Variants in DGCR2 observed in about 807,000 individuals in gnomAD.
The protein encoded by DGCR2 is integral membrane protein DGCR2/IDD.
A neutral mutation model predicts 51.6 loss-of-function variants in DGCR2; 24 were observed. The observed-to-expected ratio is 0.47, with a 90% CI of 0.34 to 0.65. The LOEUF is 0.65. Ranked by LOEUF, DGCR2 falls within the 30% of genes least tolerant of loss-of-function variation. DGCR2 has a pLI of 0.01. For synonymous variants in DGCR2, 340 were observed against 315.4 expected, an observed-to-expected ratio of 1.08 and a Z score of -0.82; for missense variants, 765 against 772.1, an observed-to-expected ratio of 0.99 and a Z score of 0.11.
intron 7 of DGCR2, chr22:19,046,745 C>T (rs933282004): frequency 2.2e-6 from 1 of 445,504 alleles, no homozygotes; most frequent in Non-Finnish European, 4.6e-6. Context: ...CAGGGCCCAG[C>T]TAAGTCGCTC....
intron 4 of DGCR2, 68 bp from the exon 5 acceptor site, chr22:19,063,346 G>C: frequency 1.4e-6 from 2 of 1,463,026 alleles, no homozygotes. Flanking sequence ...ATGACTGTGT[G>C]TTTTTTGTTT....
At chr22:19,104,631 G>A (rs182087286) in intron 1 of DGCR2, among the ~76,000 whole-genome samples, 21 of 152,190 alleles carry the variant, frequency 1.4e-4, no homozygotes, top group Non-Finnish European at 2.5e-4. Context: ...GTCTCCACCA[G>A]AGCAGTCTGA....
chr22:19,122,095 C>T (rs1250010310), intron 1 of DGCR2, 33 bp downstream of exon 1: 4 of 1,445,548 alleles, frequency 2.8e-6, no homozygotes, highest in Non-Finnish European at 3.7e-6. Context: ...GCTCGCCGCC[C>T]AGCCCCCACA....
Position 19,122,392 on chromosome 22 carries a change from G to A in DGCR2, c.-186C>T, listed in dbSNP as rs550575105. 13 of 436,510 alleles carry A rather than the reference G, an allele frequency of 3.0e-5. No homozygotes were observed. Among genetic ancestry groups the A allele is most frequent in the African/African-American group, 1.3e-4 (6 of 47,986 alleles). The allele number at this position is 436,510 out of a possible 1,614,324, so 27.0% of individuals were successfully genotyped here. A position where few individuals can be genotyped will look rare whatever the true frequency, so the allele number is the denominator to read the frequency against. On this transcript the variant is annotated 5_prime_UTR_variant, in exon 1 of 10. Coordinates refer to ENST00000263196, the MANE Select transcript of DGCR2 (RefSeq NM_005137.3). Reference sequence around the variant, plus strand: ...ACTCTCGGCTGCAACCTCAGGCACCGACTCCAGCTGCGCGCAAGATGGCGG... The same window carrying A: ...ACTCTCGGCTGCAACCTCAGGCACCAACTCCAGCTGCGCGCAAGATGGCGG...
intron 5 of DGCR2, chr22:19,061,022 C>T (rs1356581719): frequency 4.1e-6 from 1 of 245,080 alleles, no homozygotes; most frequent in African/African-American, 2.3e-5. Context: ...TTTTCAACAT[C>T]TTAATGTGAG....
At chr22:19,046,778 G>T in intron 7 of DGCR2, 1 of 444,248 alleles carries the variant, frequency 2.3e-6, no homozygotes, top group Non-Finnish European at 4.6e-6. Context: ...AGAGAGGGCT[G>T]CAGCTGCTCT....
intron 1 of DGCR2, among the ~76,000 whole-genome samples, chr22:19,113,893 T>C (rs1460579480): frequency 6.6e-6 from 1 of 151,920 alleles, no homozygotes; most frequent in Non-Finnish European, 1.5e-5. Flanking sequence ...ATCCCATCTC[T>C]ACTAAAAATA....
At chr22:19,044,914 G>T (rs1298381149) in intron 7 of DGCR2, among the ~76,000 whole-genome samples, 1 of 152,124 alleles carries the variant, frequency 6.6e-6, no homozygotes, top group Non-Finnish European at 1.5e-5. Flanking sequence ...TTTTGATTCA[G>T]TCAGGGGCTT....
intron 2 of DGCR2, among the ~76,000 whole-genome samples, chr22:19,083,686 C>T (rs571826092): frequency 0.012 from 1,159 of 97,842 alleles, 11 homozygotes; most frequent in Non-Finnish European, 0.017. Flanking sequence ...CTCTCCCTCT[C>T]CCTCTCCCCC....
At chr22:19,076,192 G>A (rs998286985) in intron 2 of DGCR2, among the ~76,000 whole-genome samples, 3 of 151,842 alleles carry the variant, frequency 2.0e-5, no homozygotes, top group Admixed American at 6.6e-5. Context: ...AAGGAGTCTT[G>A]TCCTGTCACC....
chr22:19,099,697 G>A (rs147150592), intron 1 of DGCR2, among the ~76,000 whole-genome samples: 21,560 of 152,014 alleles, frequency 0.14, 1,971 homozygotes, highest in South Asian at 0.28. Context: ...TTGGCCAGGC[G>A]TGGTGGCTCA....
chr22:19,101,651 G>GA (rs1295093342), intron 1 of DGCR2, among the ~76,000 whole-genome samples: 2 of 149,238 alleles, frequency 1.3e-5, no homozygotes, highest in Non-Finnish European at 3.0e-5. Context: ...TGAGGCACAA[G>GA]AATCACTTGA....
intron 2 of DGCR2, among the ~76,000 whole-genome samples, chr22:19,076,872 G>T (rs1192014661): frequency 3.3e-5 from 5 of 151,500 alleles, no homozygotes; most frequent in Admixed American, 1.3e-4. Context: ...CTGGAACTAA[G>T]GCGCCCGCCA....
chr22:19,100,527 G>A (rs145248676), intron 1 of DGCR2, among the ~76,000 whole-genome samples: 10 of 152,048 alleles, frequency 6.6e-5, no homozygotes, highest in Non-Finnish European at 1.5e-4. Context: ...TTAGCCGGAC[G>A]TGGTGGTGGG....
chr22:19,050,427 G>C (rs2082537002), intron 6 of DGCR2, among the ~76,000 whole-genome samples: 1 of 152,180 alleles, frequency 6.6e-6, no homozygotes, highest in African/African-American at 2.4e-5. Flanking sequence ...AGTGAGAGAA[G>C]TTGTTTGCAG....
At chr22:19,098,063 T>A (rs1413014019) in intron 1 of DGCR2, among the ~76,000 whole-genome samples, 1 of 152,166 alleles carries the variant, frequency 6.6e-6, no homozygotes, top group Admixed American at 6.5e-5. Context: ...TCTGTCCTTT[T>A]CTTTCTTTCT....
At chr22:19,097,971 C>T (rs745743534) in intron 1 of DGCR2, among the ~76,000 whole-genome samples, 4 of 152,218 alleles carry the variant, frequency 2.6e-5, no homozygotes, top group African/African-American at 4.8e-5. Context: ...TGTGCTTCCT[C>T]CCTGGGCTCA....
At chr22:19,062,774 T>TTCTCTTTCTC (rs1569052709) in intron 5 of DGCR2, among the ~76,000 whole-genome samples, 1 of 113,872 alleles carries the variant, frequency 8.8e-6, no homozygotes, top group African/African-American at 3.2e-5. Context: ...CACACATGCA[T>TTCTCTTTCTC]GCTCACTCTC....
At chr22:19,065,304 C>A (rs112356761) in intron 3 of DGCR2, 1 of 538,100 alleles carries the variant, frequency 1.9e-6, no homozygotes. Context: ...TCTATAAGAT[C>A]TTTTAATTTA....
Sources: gnomAD v4.1 joint callset for allele counts (sites outside exome capture counted in the v4.1 genomes callset) on GRCh38, gnomAD v4.1.1 for gene constraint, MANE v1.5 for transcripts, NCBI Gene and HGNC (gene_info 2026-07-23, HGNC 2026-07-21) for gene names.